Variants in HSPA4L observed in about 807,000 individuals in gnomAD.
HSPA4L encodes the protein heat shock protein family A (Hsp70) member 4 like.
A neutral mutation model predicts 100.3 loss-of-function variants in HSPA4L; 48 were observed. That is an observed-to-expected ratio of 0.48 (90% CI 0.38 to 0.61). HSPA4L has a LOEUF of 0.61. Ranked by LOEUF, HSPA4L falls within the 20% of genes least tolerant of loss-of-function variation. The pLI is 0.00. For synonymous variants in HSPA4L, 319 were observed against 328.2 expected (o/e 0.97, Z 0.30); for missense variants, 886 against 988.6 (o/e 0.90, Z 1.39).
At position 127,818,427 on chromosome 4, in the gene HSPA4L, T is replaced by C; in HGVS notation, c.1674+7T>C. 1 of 1,569,448 alleles carries C rather than the reference T, an allele frequency of 6.4e-7. No homozygotes were observed. The highest frequency in any genetic ancestry group is 1.4e-5 in the African/African-American group (1 of 73,858). ...TACAGGAGCCAAAACAAAGGTTTGGTTTACTTTTTCTGTAGTTATGTCTTT... is the reference window on the plus strand; with the variant it reads ...TACAGGAGCCAAAACAAAGGTTTGGCTTACTTTTTCTGTAGTTATGTCTTT... On this transcript the variant is annotated splice_region_variant and intron_variant, in intron 13 of 18. Coordinates refer to ENST00000296464, the MANE Select transcript of HSPA4L (RefSeq NM_014278.4).
intron 11 of HSPA4L, among the ~76,000 whole-genome samples, chr4:127,809,788 A>T: frequency 6.6e-6 from 1 of 152,212 alleles, no homozygotes; most frequent in East Asian, 1.9e-4. Flanking sequence ...GACTGAATAT[A>T]TCATGTCCAC....
chr4:127,820,583 G>A lies in HSPA4L; in HGVS notation c.1812+18G>A. The A allele has an allele frequency of 6.3e-7, 1 of 1,586,170 alleles. No homozygotes were observed. Among genetic ancestry groups the A allele is most frequent in the South Asian group, 1.2e-5 (1 of 84,494 alleles). On this transcript the variant is annotated intron_variant, in intron 14 of 18. Coordinates refer to ENST00000296464, the MANE Select transcript of HSPA4L (RefSeq NM_014278.4). ...AAAATGAGGTATGTAAATCTGAGTT[G>A]ATGCTGAAATAGGTGGTAGTTTATT...
intron 1 of HSPA4L, among the ~76,000 whole-genome samples, chr4:127,788,532 C>T (rs1303511583): frequency 6.6e-6 from 1 of 152,124 alleles, no homozygotes; most frequent in Non-Finnish European, 1.5e-5. Context: ...TGAAATTCTC[C>T]AAGAAAGGGA....
In HSPA4L at chr4:127,822,859, C is replaced by T. The variant is rs755149556; in HGVS notation, c.1903C>T (p.Leu635=). 1 of 1,612,750 alleles carries T rather than the reference C, an allele frequency of 6.2e-7. No homozygotes were observed. Among genetic ancestry groups the T allele is most frequent in the Non-Finnish European group, 8.5e-7 (1 of 1,179,066 alleles). Residue 635 remains leucine, a synonymous_variant, in exon 15 of 19, where the codon CTG becomes TTG. Transcript: ENST00000296464. ...ATATGTATATGATTTTAGAGACAGG[C>T]TGGGCACTGTCTATGAAAAATTCAT... ...EEYVYDFRDR[L]GTVYEKFITP... is the part of the protein sequence containing the mutation.
intron 10 of HSPA4L, among the ~76,000 whole-genome samples, chr4:127,806,579 TATTAA>T (rs1733364239): frequency 6.6e-6 from 1 of 152,032 alleles, no homozygotes; most frequent in South Asian, 2.1e-4. Context: ...AAAGCACTGT[TATTAA>T]ATTAATGTTT....
At chr4:127,813,199 A>C in intron 12 of HSPA4L, 1 of 1,315,988 alleles carries the variant, frequency 7.6e-7, no homozygotes, top group Non-Finnish European at 1.1e-6. Context: ...TGTGTTCGTC[A>C]TTTTGGCGAA....
intron 15 of HSPA4L, 116 bp downstream of exon 15, chr4:127,823,010 C>A: frequency 1.1e-6 from 1 of 951,582 alleles, no homozygotes; most frequent in Non-Finnish European, 1.5e-6. Flanking sequence ...CAATCTTGGG[C>A]CCATATGGGG....
At chr4:127,817,161 G>GT (rs1182347600) in intron 12 of HSPA4L, among the ~76,000 whole-genome samples, 1 of 152,088 alleles carries the variant, frequency 6.6e-6, no homozygotes, top group Non-Finnish European at 1.5e-5. Context: ...CGCCTCCCGG[G>GT]TTCAAGCAGT....
At chr4:127,820,381 T>C (rs1560667672) in intron 13 of HSPA4L, 47 bp from the exon 14 acceptor site, 1 of 1,514,014 alleles carries the variant, frequency 6.6e-7, no homozygotes, top group Non-Finnish European at 8.9e-7. Flanking sequence ...CTTAAATCTA[T>C]TTTTAAGCTA....
chr4:127,833,482 G>A lies in HSPA4L; in HGVS notation c.*608G>A, dbSNP rs1734137316. On this transcript the variant is annotated 3_prime_UTR_variant, in exon 19 of 19. Transcript: ENST00000296464. ...AACACACCCAATTTTATGTTAAGGTGAAACCAGCAGTTTGCTTCTTTTATT... is the reference window on the plus strand; with the variant it reads ...AACACACCCAATTTTATGTTAAGGTAAAACCAGCAGTTTGCTTCTTTTATT... The A allele has an allele frequency of 6.6e-6, 1 of 152,206 alleles. No individual in the cohort carries two copies. The highest frequency in any genetic ancestry group is 1.5e-5 in the Non-Finnish European group (1 of 68,014). 9.4% of individuals were successfully genotyped at this position (152,206 alleles called of 1,614,324 possible).
chr4:127,781,871 G>A, upstream of HSPA4L: 1 of 337,258 alleles, frequency 3.0e-6, no homozygotes, highest in Non-Finnish European at 6.1e-6. Flanking sequence ...CTGAGGGCAG[G>A]GGGTGAGGGG....
At chr4:127,807,831 G>A (rs1733405180) in intron 10 of HSPA4L, among the ~76,000 whole-genome samples, 165 bp from the exon 11 acceptor site, 1 of 152,100 alleles carries the variant, frequency 6.6e-6, no homozygotes, top group Non-Finnish European at 1.5e-5. Context: ...CCATAAATCT[G>A]TTGCAATGCA....
Position 127,832,949 on chromosome 4 carries a change from C to A in HSPA4L, c.*75C>A, listed in dbSNP as rs1734124322. On this transcript the variant is annotated 3_prime_UTR_variant, in exon 19 of 19. Coordinates refer to ENST00000296464, the MANE Select transcript of HSPA4L (RefSeq NM_014278.4). ...GTCCATCTTTTACATCTGGTACACA[C>A]AACAGACGCTCAGTTGTTCTTAACC... The A allele has an allele frequency of 3.8e-6, 4 of 1,061,348 alleles. No homozygotes were observed. In the South Asian group the frequency reaches 6.0e-5, roughly 16 times the overall value. The allele number at this position is 1,061,348 out of a possible 1,614,324, so 65.7% of individuals were successfully genotyped here. A position where few individuals can be genotyped will look rare whatever the true frequency, so the allele number is the denominator to read the frequency against.
At chr4:127,792,988 T>C (rs1163075867) in intron 1 of HSPA4L, among the ~76,000 whole-genome samples, 2 of 152,118 alleles carry the variant, frequency 1.3e-5, no homozygotes, top group African/African-American at 4.8e-5. Flanking sequence ...TGTGCCTAGA[T>C]TGAATTTGCA....
rs1255182072 is a variant in HSPA4L, at chr4:127,795,788, T to C, written c.186T>C (p.Asn62=). 1.9e-6 allele frequency: 3 copies of C among 1,613,552 alleles called. No individual in the cohort carries two copies. The highest frequency in any genetic ancestry group is 2.5e-6 in the Non-Finnish European group (3 of 1,179,660). Residue 62 remains asparagine (N), a synonymous_variant, in exon 3 of 19, where the codon AAT becomes AAC. Transcript: ENST00000296464. ...AACAGATAGTCACGAACGTAAGAAA[T>C]ACAATTCATGGCTTCAAAAAGCTTC... ...AKSQIVTNVR[N]TIHGFKKLHG...
intron 12 of HSPA4L, chr4:127,813,269 G>C: frequency 2.6e-6 from 2 of 755,000 alleles, no homozygotes; most frequent in Non-Finnish European, 2.3e-6. Context: ...TTTTAAGACA[G>C]TTTCTCCCTT....
In HSPA4L at chr4:127,811,550, A is replaced by G. The variant is rs1184779832; in HGVS notation, c.1492A>G (p.Ile498Val). 3 of 1,614,054 alleles carry G rather than the reference A, an allele frequency of 1.9e-6. No individual in the cohort carries two copies. The highest frequency in any genetic ancestry group is 2.5e-6 in the Non-Finnish European group (3 of 1,179,970). ...CTTCAGTGTGGCTAGCGCATCAGTA[A>G]TTGAGAAGCAAAATTTGGAAGGCGA... ...GIFSVASASV[I>V]EKQNLEGDHS... The change falls in exon 12 of 19, where the codon ATT becomes GTT. Residue 498 changes from isoleucine (I) to valine (V), a missense_variant. By Grantham distance (29) the Ile-to-Val change is conservative. Coordinates refer to ENST00000296464, the MANE Select transcript of HSPA4L (RefSeq NM_014278.4).
intron 1 of HSPA4L, among the ~76,000 whole-genome samples, chr4:127,784,606 C>T (rs1732660865): frequency 6.6e-6 from 1 of 152,246 alleles, no homozygotes. Context: ...AGCAACTCTT[C>T]TCTCCATGGC....
chr4:127,830,613 A>AT, intron 17 of HSPA4L, 25 bp from the exon 18 acceptor site: 1 of 1,541,290 alleles, frequency 6.5e-7, no homozygotes, highest in Non-Finnish European at 8.7e-7. Flanking sequence ...ATTAACATGC[A>AT]GTCAAGCTTT....
Sources: gnomAD v4.1 joint callset for allele counts (sites outside exome capture counted in the v4.1 genomes callset) on GRCh38, gnomAD v4.1.1 for gene constraint, MANE v1.5 for transcripts, NCBI Gene and HGNC (gene_info 2026-07-23, HGNC 2026-07-21) for gene names.